The following PCDHGA2 variants were observed in gnomAD, a reference collection of about 807,000 sequenced individuals.
PCDHGA2 encodes the protein protocadherin gamma-A2.
Under a neutral mutation model 59.2 loss-of-function variants are expected in PCDHGA2, and 40 were observed. That is an observed-to-expected ratio of 0.68 (90% CI 0.52 to 0.88). The LOEUF is 0.88. Among genes scored for constraint, PCDHGA2 ranks in the 40% least tolerant of loss-of-function variants. The pLI is 0.00. For synonymous variants in PCDHGA2, 560 were observed against 526.0 expected (o/e 1.06, Z -0.89); for missense variants, 1,226 against 1,204.0 (o/e 1.02, Z -0.27).
intron 1 of PCDHGA2, chr5:141,395,804 A>C (rs150880061): frequency 6.6e-6 from 1 of 152,224 alleles, no homozygotes; most frequent in Non-Finnish European, 1.5e-5. Context: ...ACCATCCTTC[A>C]AAACATGAAC....
Position 141,432,979 on chromosome 5 carries a change from TGTGGGC to T in PCDHGA2, c.2425-61823_2425-61818del. 1 of 1,614,228 alleles carries T rather than the reference TGTGGGC, an allele frequency of 6.2e-7. No individual in the cohort carries two copies. On this transcript the variant is annotated intron_variant, in intron 1 of 3. Coordinates refer to ENST00000394576, the MANE Select transcript of PCDHGA2 (RefSeq NM_018915.4). The surrounding 1 kb of genome is among the most constrained non-coding windows in gnomAD (Gnocchi z 6.0). ...TGACAGGAGCGCCGGCGTCGCACTTTGTGGGCGTGGACGGGGTGCAGGCTTTCCTGC... is the reference window on the plus strand; with the variant it reads ...TGACAGGAGCGCCGGCGTCGCACTTTGTGGACGGGGTGCAGGCTTTCCTGC...
chr5:141,484,845 G>T (rs541372844), intron 1 of PCDHGA2, among the ~76,000 whole-genome samples: 10 of 152,076 alleles, frequency 6.6e-5, no homozygotes, highest in Admixed American at 2.6e-4. Flanking sequence ...GATAGGCTGG[G>T]TTTTTTGGGG....
At chr5:141,469,249 C>T (rs1025813940) in intron 1 of PCDHGA2, among the ~76,000 whole-genome samples, 1 of 152,026 alleles carries the variant, frequency 6.6e-6, no homozygotes, top group Non-Finnish European at 1.5e-5. Flanking sequence ...TGCACTCCAG[C>T]TTGGGCAACA....
chr5:141,453,021 A>G (rs1008711775), intron 1 of PCDHGA2, among the ~76,000 whole-genome samples: 1 of 152,200 alleles, frequency 6.6e-6, no homozygotes, highest in Non-Finnish European at 1.5e-5. Context: ...TATGTGATTC[A>G]TTAAAATAAA....
chr5:141,461,409 A>ATATGTTTGT (rs1491521215), intron 1 of PCDHGA2, among the ~76,000 whole-genome samples: 2 of 151,810 alleles, frequency 1.3e-5, no homozygotes, highest in Non-Finnish European at 2.9e-5. Context: ...GCATTTTTTC[A>ATATGTTTGT]TATGTTTGTG....
In PCDHGA2 at chr5:141,352,251, T is replaced by C. The variant is rs201454130; in HGVS notation, c.2424+10856T>C. ...CTGCACCTAATCTTCGCGGATAGCC[T>C]GCAAGAGGTATTGCCAGACCTCAGC... On this transcript the variant is annotated intron_variant, in intron 1 of 3. Coordinates refer to ENST00000394576, the MANE Select transcript of PCDHGA2 (RefSeq NM_018915.4). 14 of 1,614,082 alleles carry C rather than the reference T, an allele frequency of 8.7e-6. No homozygotes were observed. The highest frequency in any genetic ancestry group is 1.1e-5 in the Non-Finnish European group (13 of 1,179,902).
intron 1 of PCDHGA2, chr5:141,370,409 CG>C (rs775733785): frequency 6.4e-7 from 1 of 1,561,734 alleles, no homozygotes; most frequent in Non-Finnish European, 8.6e-7. Context: ...GAAATAGCTC[CG>C]GATGGAGGGG....
intron 1 of PCDHGA2, chr5:141,342,754 C>G (rs1757205914): frequency 1.3e-5 from 2 of 152,272 alleles, no homozygotes; most frequent in Admixed American, 1.3e-4. Context: ...TGTAATGCAT[C>G]ATGATTGAAA....
chr5:141,449,078 C>T (rs1342751417), intron 1 of PCDHGA2, among the ~76,000 whole-genome samples: 1 of 152,052 alleles, frequency 6.6e-6, no homozygotes, highest in Non-Finnish European at 1.5e-5. Flanking sequence ...AGCCCTGTAC[C>T]TACATCAGTT....
rs1036126623 is a variant in PCDHGA2 at position 141,410,753 on chromosome 5, T to C, written c.2424+69358T>C. The stretch of plus-strand genomic sequence containing the variant: ...AGCTTTTTACAATATTTTCTCAATG[T>C]TTTTTCAATTATAGTTTTCACTATG... On this transcript the variant is annotated intron_variant, in intron 1 of 3. Coordinates refer to ENST00000394576, the MANE Select transcript of PCDHGA2 (RefSeq NM_018915.4). 2.4e-6 allele frequency: 3 copies of C among 1,229,812 alleles called. No homozygotes were observed. In the Admixed American group the frequency reaches 8.8e-5, roughly 36 times the overall value. The allele number at this position is 1,229,812 out of a possible 1,614,324, so 76.2% of individuals were successfully genotyped here. A position where few individuals can be genotyped will look rare whatever the true frequency, so the allele number is the denominator to read the frequency against.
intron 1 of PCDHGA2, chr5:141,389,485 A>G (rs2091790696): frequency 1.2e-6 from 2 of 1,612,936 alleles, no homozygotes; most frequent in Non-Finnish European, 1.7e-6. Flanking sequence ...CAGGCCCGCG[A>G]CCAGGGCTCG....
chr5:141,427,096 T>A, intron 1 of PCDHGA2: 1 of 458,056 alleles, frequency 2.2e-6, no homozygotes, highest in Non-Finnish European at 4.4e-6. Flanking sequence ...GATGAGGGTG[T>A]CAATGCGGAG....
intron 2 of PCDHGA2, among the ~76,000 whole-genome samples, chr5:141,505,092 G>A (rs965653546): frequency 5.9e-5 from 9 of 152,170 alleles, no homozygotes; most frequent in African/African-American, 2.2e-4. Flanking sequence ...AACCCAGGAG[G>A]TGGATGTTGC....
At chr5:141,407,429 C>T (rs2094929018) in intron 1 of PCDHGA2, among the ~76,000 whole-genome samples, 1 of 151,532 alleles carries the variant, frequency 6.6e-6, no homozygotes, top group Admixed American at 6.6e-5. Flanking sequence ...ATGTCTCTTG[C>T]CCTTAAAACC....
Position 141,340,119 on chromosome 5 carries a change from C to T in PCDHGA2, c.1148C>T (p.Thr383Ile), listed in dbSNP as rs558277705. 35 of 1,614,128 alleles carry T rather than the reference C, an allele frequency of 2.2e-5. No individual in the cohort carries two copies. In the South Asian group the frequency reaches 3.8e-4, roughly 18 times the overall value. The change falls in exon 1 of 4, where the codon ACC (threonine) becomes ATC (isoleucine). Residue 383 changes from threonine to isoleucine, a missense_variant. Coordinates refer to ENST00000394576, the MANE Select transcript of PCDHGA2 (RefSeq NM_018915.4). ...DRDSGQNAFT[T>I]CSLPEDLPFK... ...GACTCTGGGCAGAACGCATTCACCA[C>T]CTGTTCACTCCCCGAGGATCTTCCT...
At chr5:141,383,861 C>A (rs1284375260) in intron 1 of PCDHGA2, 1 of 1,613,936 alleles carries the variant, frequency 6.2e-7, no homozygotes, top group East Asian at 2.2e-5. Context: ...GAGGTTCAGG[C>A]TCAAGATGGT....
chr5:141,384,202 G>A (rs752360983), intron 1 of PCDHGA2: 9 of 1,613,734 alleles, frequency 5.6e-6, no homozygotes, highest in Non-Finnish European at 6.8e-6. Flanking sequence ...CTTGTCCAGG[G>A]AAACTCACAT....
At chr5:141,379,889 C>CTTTATTTTTTTTTTTTTTTTTTTTTTTT (rs1775940253) in intron 1 of PCDHGA2, among the ~76,000 whole-genome samples, 1 of 50,830 alleles carries the variant, frequency 2.0e-5, no homozygotes, top group Non-Finnish European at 3.9e-5. Flanking sequence ...GTGAAAGCCT[C>CTTTATTTTTTTTTTTTTTTTTTTTTTTT]TTTTTTTTTT....
chr5:141,372,791 T>C, intron 1 of PCDHGA2: 2 of 1,600,738 alleles, frequency 1.2e-6, no homozygotes, highest in Non-Finnish European at 8.5e-7. Flanking sequence ...TGCCTTCTAA[T>C]TCAGGCAATT....
Sources: gnomAD v4.1 joint callset for allele counts (sites outside exome capture counted in the v4.1 genomes callset) on GRCh38, gnomAD v4.1.1 for gene constraint, Gnocchi (gnomAD v3.1) non-coding constraint, MANE v1.5 for transcripts, NCBI Gene and HGNC (gene_info 2026-07-23, HGNC 2026-07-21) for gene names.